Variants in MSRB3 observed in about 807,000 individuals in gnomAD.
The protein encoded by MSRB3 is methionine sulfoxide reductase B3, also known as methionine-R-sulfoxide reductase B3.
In MSRB3, 13 loss-of-function variants were observed where a neutral mutation model predicts 21.0. That is an observed-to-expected ratio of 0.62 (90% CI 0.40 to 0.98). The LOEUF is 0.98. Ranked by LOEUF, MSRB3 falls within the 50% of genes least tolerant of loss-of-function variation. The pLI is 0.00. For synonymous variants in MSRB3, 87 were observed against 88.6 expected (o/e 0.98, Z 0.10); for missense variants, 199 against 230.3 (o/e 0.86, Z 0.88).
At chr12:65,298,593 A>T (rs1344316608) in intron 1 of MSRB3, among the ~76,000 whole-genome samples, 2 of 152,224 alleles carry the variant, frequency 1.3e-5, no homozygotes, top group Non-Finnish European at 2.9e-5. Context: ...AGGTCATTAA[A>T]TATACCTTTT....
chr12:65,356,067 A>G (rs1217811175), intron 4 of MSRB3, among the ~76,000 whole-genome samples: 1 of 151,880 alleles, frequency 6.6e-6, no homozygotes, highest in Non-Finnish European at 1.5e-5. Context: ...CCAGATTTGA[A>G]GGAAGGGTTC....
At chr12:65,374,038 C>G (rs1276453185) in intron 5 of MSRB3, among the ~76,000 whole-genome samples, 3 of 152,192 alleles carry the variant, frequency 2.0e-5, no homozygotes, top group South Asian at 2.1e-4. Flanking sequence ...GTTTTGAAAG[C>G]TTATTAACAA....
At chr12:65,351,445 C>T (rs1388870032) in intron 4 of MSRB3, among the ~76,000 whole-genome samples, 1 of 141,862 alleles carries the variant, frequency 7.0e-6, no homozygotes, top group East Asian at 2.0e-4. Flanking sequence ...TAGCAGAAGG[C>T]AAGAAATAAC....
At chr12:65,345,403 C>G (rs1014346182) in intron 4 of MSRB3, among the ~76,000 whole-genome samples, 2 of 152,046 alleles carry the variant, frequency 1.3e-5, no homozygotes, top group Non-Finnish European at 2.9e-5. Flanking sequence ...GTTGCTTTAT[C>G]ATAAAACTCA....
chr12:65,285,504 A>T (rs1379015014), intron 1 of MSRB3: 2 of 152,190 alleles, frequency 1.3e-5, no homozygotes, highest in South Asian at 2.1e-4. Context: ...AAATGTGGAG[A>T]TGAATATAGG....
chr12:65,356,244 G>A (rs1877376735), intron 4 of MSRB3, among the ~76,000 whole-genome samples: 1 of 151,876 alleles, frequency 6.6e-6, no homozygotes, highest in Non-Finnish European at 1.5e-5. Context: ...TTTGATTCAT[G>A]TGTTCAGAGA....
At chr12:65,429,409 C>T (rs749634297) in intron 5 of MSRB3, among the ~76,000 whole-genome samples, 17 of 152,130 alleles carry the variant, frequency 1.1e-4, no homozygotes, top group South Asian at 2.1e-4. Flanking sequence ...TGATATGTTA[C>T]GGCAACCAAG....
chr12:65,430,711 C>G (rs11175763), intron 5 of MSRB3, among the ~76,000 whole-genome samples: 2 of 152,004 alleles, frequency 1.3e-5, no homozygotes, highest in African/African-American at 4.8e-5. Context: ...GCCTTCAATT[C>G]TTATAGCTTC....
chr12:65,374,448 A>G (rs1878489931), intron 5 of MSRB3, among the ~76,000 whole-genome samples: 1 of 152,196 alleles, frequency 6.6e-6, no homozygotes, highest in South Asian at 2.1e-4. Context: ...ATACAAATTC[A>G]CATGAACTTA....
Position 65,278,798 on chromosome 12 carries a change from C to T in MSRB3, c.-119C>T. ...GCCCGCGGCGGACCCTCCCGCGCCC[C>T]CTCTCGCTCTGCCTCTCCCTCTGCC... On this transcript the variant is annotated 5_prime_UTR_variant, in exon 1 of 7. Transcript: ENST00000308259. 6.4e-7 allele frequency: 1 copy of T among 1,572,098 alleles called. No homozygotes were observed. Among genetic ancestry groups the T allele is most frequent in the Non-Finnish European group, 8.6e-7 (1 of 1,159,198 alleles).
chr12:65,401,512 T>A (rs1369788887), intron 5 of MSRB3, among the ~76,000 whole-genome samples: 1 of 152,220 alleles, frequency 6.6e-6, no homozygotes. Context: ...TCTTTGCACG[T>A]GAGATGGGTA....
In MSRB3 at chr12:65,282,825, A is replaced by G. The variant is rs532934723; in HGVS notation, c.-52+3960A>G. ...GAACCTGATAGACACAGTTTAGGTC[A>G]CATGGTTGACCTAGATTTTCCCTAA... is the stretch of plus-strand genomic sequence containing the variant. On this transcript the variant is annotated intron_variant, in intron 1 of 6. Coordinates refer to ENST00000308259, the MANE Select transcript of MSRB3 (RefSeq NM_001031679.3). Among the ~76,000 whole-genome samples, 28 of 152,288 alleles carry G rather than the reference A, an allele frequency of 1.8e-4. No individual in the cohort carries two copies. In the East Asian group the frequency reaches 3.5e-3, roughly 19 times the overall value.
At chr12:65,365,254 G>C (rs997123085) in intron 4 of MSRB3, among the ~76,000 whole-genome samples, 3 of 152,084 alleles carry the variant, frequency 2.0e-5, no homozygotes, top group Admixed American at 6.6e-5. Context: ...GGATGCATGA[G>C]ACCCAGTGTG....
intron 2 of MSRB3, among the ~76,000 whole-genome samples, chr12:65,315,062 A>G (rs1874207123): frequency 6.6e-6 from 1 of 152,192 alleles, no homozygotes; most frequent in African/African-American, 2.4e-5. Context: ...TTGTGGGTAG[A>G]TATTTGATGA....
At chr12:65,365,056 A>C (rs1054458179) in intron 4 of MSRB3, among the ~76,000 whole-genome samples, 3 of 137,026 alleles carry the variant, frequency 2.2e-5, no homozygotes, top group African/African-American at 7.6e-5. Flanking sequence ...AATCTGAGGA[A>C]TAAAAGTGTT....
In MSRB3 at chr12:65,326,738, C is replaced by A. The variant is rs1875057305; in HGVS notation, c.77-88C>A. ...TGGTCTGGTCATTGACAAGTGACTG[C>A]AGAAGCTGTGCTGTGGCGGTCAGCC... On this transcript the variant is annotated intron_variant, in intron 2 of 6. Transcript: ENST00000308259. 6 of 950,156 alleles carry A rather than the reference C, an allele frequency of 6.3e-6. No individual in the cohort carries two copies. In the South Asian group the frequency reaches 6.9e-5, roughly 11 times the overall value. 58.9% of individuals were successfully genotyped at this position (950,156 alleles called of 1,614,324 possible). A position where few individuals can be genotyped will look rare whatever the true frequency, so the allele number is the denominator to read the frequency against.
At chr12:65,294,053 T>G (rs1872809675) in intron 1 of MSRB3, among the ~76,000 whole-genome samples, 2 of 152,140 alleles carry the variant, frequency 1.3e-5, no homozygotes, top group Admixed American at 1.3e-4. Context: ...CTGATTGGAG[T>G]GCTATCCAGG....
At chr12:65,334,522 A>G (rs1290600598) in intron 4 of MSRB3, among the ~76,000 whole-genome samples, 1 of 151,684 alleles carries the variant, frequency 6.6e-6, no homozygotes, top group African/African-American at 2.4e-5. Context: ...TGGAACACAC[A>G]GAAACATGCA....
Position 65,306,865 on chromosome 12 carries a change from T to C in MSRB3, c.-51-1664T>C, listed in dbSNP as rs989562071. 6.1e-6 allele frequency: 6 copies of C among 985,668 alleles called. No individual in the cohort carries two copies. The African/African-American group carries it at 1.0e-4, about 17-fold the overall frequency. 61.1% of individuals were successfully genotyped at this position (985,668 alleles called of 1,614,324 possible). On this transcript the variant is annotated intron_variant, in intron 1 of 6. Coordinates refer to ENST00000308259, the MANE Select transcript of MSRB3 (RefSeq NM_001031679.3). ...TTTGTTCTTTCCCTGACCTGCAGAG[T>C]GACATCACTGCCTCTCTTCCTGTGC...
Sources: allele counts gnomAD v4.1 joint callset (sites outside exome capture counted in the v4.1 genomes callset), GRCh38; gene constraint gnomAD v4.1.1; transcripts MANE v1.5; gene names NCBI Gene and HGNC (gene_info 2026-07-23, HGNC 2026-07-21).